Variants in FANCD2 observed in about 807,000 individuals in gnomAD.
FANCD2 encodes FA complementation group D2.
FANCD2 carries 131 observed loss-of-function variants against 192.3 expected under a neutral mutation model. That is an observed-to-expected ratio of 0.68 (90% confidence interval 0.59 to 0.79). The LOEUF is 0.79. Among genes scored for constraint, FANCD2 ranks in the 30% least tolerant of loss-of-function variants. The pLI, the probability that FANCD2 is intolerant of heterozygous loss-of-function variation, is 0.00. For synonymous variants in FANCD2, 524 were observed against 612.5 expected, an observed-to-expected ratio of 0.86 and a Z score of 2.13; for missense variants, 1,508 against 1,701.6, an observed-to-expected ratio of 0.89 and a Z score of 2.00.
intron 29 of FANCD2, 103 bp from the exon 30 acceptor site, chr3:10,077,978 A>G: frequency 1.2e-6 from 1 of 828,656 alleles, no homozygotes; most frequent in Non-Finnish European, 2.1e-6. Context: ...AGGCTGGAAT[A>G]GCTATGATCT....
Position 10,062,203 on chromosome 3 carries a change from T to C in FANCD2, c.1819T>C (p.Cys607Arg). ...QERANLSDEQ[C>R]TQVTSLLQLV... The stretch of plus-strand genomic sequence containing the variant: ...GAGAGCCAACCTGAGCGATGAGCAG[T>C]GCACACAGGTGAGTTCTTTTTTTCC... The change falls in exon 20 of 44, where the codon TGC becomes CGC. Residue 607 changes from cysteine to arginine, a missense_variant. Physicochemically the swap from Cys to Arg is radical, Grantham distance 180. Around this residue, in one of 5 missense-constraint regions of FANCD2, gnomAD observed 110 missense variants for 114.4 expected, o/e 0.96. Transcript: ENST00000675286. 1.2e-6 allele frequency: 2 copies of C among 1,612,736 alleles called. No individual in the cohort carries two copies. Among genetic ancestry groups the C allele is most frequent in the Non-Finnish European group, 1.7e-6 (2 of 1,179,290 alleles).
chr3:10,032,945 A>G lies in FANCD2; in HGVS notation c.178A>G (p.Lys60Glu), dbSNP rs1292847629. Residue 60 changes from lysine to glutamate, a missense_variant, in exon 3 of 44, where the codon AAA becomes GAA. Lys to Glu is a moderately conservative substitution (Grantham distance 56). Transcript: ENST00000675286. Reference sequence around the variant, plus strand: ...TCTTAAGATATCAGGAATTATTCTTAAAACGGGAGAGAGTCAGAATCAACT... The same window carrying G: ...TCTTAAGATATCAGGAATTATTCTTGAAACGGGAGAGAGTCAGAATCAACT... ...KLLKISGIIL[K>E]TGESQNQLAV... 6.3e-7 allele frequency: 1 copy of G among 1,589,656 alleles called. No individual in the cohort carries two copies. Among genetic ancestry groups the G allele is most frequent in the South Asian group, 1.1e-5 (1 of 90,388 alleles).
intron 18 of FANCD2, among the ~76,000 whole-genome samples, chr3:10,059,317 C>G (rs1440173693): frequency 6.6e-6 from 1 of 152,124 alleles, no homozygotes; most frequent in East Asian, 1.9e-4. Flanking sequence ...CCCAGCCTTG[C>G]CTCCATGTTT....
intron 42 of FANCD2, among the ~76,000 whole-genome samples, chr3:10,097,751 C>T (rs1182577188): frequency 2.6e-5 from 4 of 152,178 alleles, no homozygotes; most frequent in Non-Finnish European, 5.9e-5. Flanking sequence ...CATAGGAAAT[C>T]ACAAGGGTAT....
intron 25 of FANCD2, 98 bp from the exon 26 acceptor site, chr3:10,067,111 T>C (rs1333982587): frequency 2.2e-5 from 18 of 821,100 alleles, no homozygotes; most frequent in Non-Finnish European, 3.7e-5. Context: ...CTCAAAGATC[T>C]TGCTTTTCAT....
chr3:10,055,243 A>G (rs1275006779), intron 18 of FANCD2, among the ~76,000 whole-genome samples: 1 of 152,148 alleles, frequency 6.6e-6, no homozygotes, highest in African/African-American at 2.4e-5. Context: ...TCACAATGTT[A>G]TACAACCATT....
intron 16 of FANCD2, 85 bp downstream of exon 16, chr3:10,048,136 C>A: frequency 6.3e-7 from 1 of 1,582,106 alleles, no homozygotes; most frequent in Non-Finnish European, 8.6e-7. Context: ...TTGGAACTCA[C>A]TGAAGGGGAA....
At position 10,081,112 on chromosome 3, in the gene FANCD2, C is replaced by T. The variant is rs587778330; in HGVS notation, c.2989C>T (p.Arg997Trp). The T allele has an allele frequency of 1.4e-5, 22 of 1,613,914 alleles. No homozygotes were observed. The highest frequency in any genetic ancestry group is 8.9e-5 in the East Asian group (4 of 44,886). Residue 997 changes from arginine to tryptophan, a missense_variant, in exon 31 of 44, where the codon CGG becomes TGG. This residue lies in a region of FANCD2 where 796 missense variants were observed against 879.4 expected (regional missense o/e 0.91). Transcript: ENST00000675286. ...RVPFLKNKGS[R>W]NIGFSHLQQR... Reference sequence around the variant, plus strand: ...GCATTTATTATAGAACAAAGGAAGCCGGAATATTGGATTCTCACATCTCCA... The same window carrying T: ...GCATTTATTATAGAACAAAGGAAGCTGGAATATTGGATTCTCACATCTCCA...
At chr3:10,065,354 C>A in intron 23 of FANCD2, 40 bp from the exon 24 acceptor site, 1 of 1,291,740 alleles carries the variant, frequency 7.7e-7, no homozygotes, top group Non-Finnish European at 1.1e-6. Flanking sequence ...GAGTAATACA[C>A]CTATGAAGTG....
At chr3:10,094,042 A>G (rs1299769890) in intron 39 of FANCD2, among the ~76,000 whole-genome samples, 2 of 152,226 alleles carry the variant, frequency 1.3e-5, no homozygotes, top group Admixed American at 6.5e-5. Context: ...AAGCTGAGCA[A>G]GTTCCCTGTC....
At chr3:10,070,271 A>G (rs1348782349) in intron 26 of FANCD2, among the ~76,000 whole-genome samples, 1 of 135,600 alleles carries the variant, frequency 7.4e-6, no homozygotes, top group Non-Finnish European at 1.6e-5. Flanking sequence ...CCCGGCAGCC[A>G]CCCTGTCTGG....
chr3:10,084,346 T>TAACAC (rs1694047504), intron 32 of FANCD2, among the ~76,000 whole-genome samples: 2 of 150,080 alleles, frequency 1.3e-5, no homozygotes, highest in Non-Finnish European at 3.0e-5. Flanking sequence ...GGCTGGAGTG[T>TAACAC]AGTAACACAA....
At chr3:10,031,481 G>A (rs1366023886) in intron 2 of FANCD2, among the ~76,000 whole-genome samples, 15 of 141,282 alleles carry the variant, frequency 1.1e-4, no homozygotes, top group Admixed American at 3.0e-4. Flanking sequence ...CAGCCTGGGC[G>A]ACAGAGCAAG....
intron 4 of FANCD2, 55 bp from the exon 5 acceptor site, chr3:10,034,640 C>G: frequency 6.6e-7 from 1 of 1,511,878 alleles, no homozygotes; most frequent in South Asian, 1.1e-5. Flanking sequence ...TGATTTTTAA[C>G]AGCAAATATT....
chr3:10,027,833 A>T, intron 1 of FANCD2, among the ~76,000 whole-genome samples: 1 of 141,640 alleles, frequency 7.1e-6, no homozygotes, highest in African/African-American at 2.7e-5. Flanking sequence ...TGAACCCGGG[A>T]GGTGGAGCTT....
Position 10,047,901 on chromosome 3 carries a change from C to T in FANCD2, c.1279-16C>T. The T allele has an allele frequency of 6.2e-7, 1 of 1,612,110 alleles. No homozygotes were observed. Among genetic ancestry groups the T allele is most frequent in the South Asian group, 1.1e-5 (1 of 91,002 alleles). On this transcript the variant is annotated splice_polypyrimidine_tract_variant and intron_variant, in intron 15 of 43. Transcript: ENST00000675286. ...TCCTACAGCTTCTTTTCTCTCTCTA[C>T]TCTTCCCCACTCAAGGTTCTTAAGG...
chr3:10,041,405 T>C lies in FANCD2; in HGVS notation c.696-218T>C, dbSNP rs569338907. The C allele has an allele frequency of 1.7e-5, 8 of 467,126 alleles. No individual in the cohort carries two copies. The East Asian group carries it at 2.8e-4, about 16-fold the overall frequency. 28.9% of individuals were successfully genotyped at this position (467,126 alleles called of 1,614,324 possible). A position where few individuals can be genotyped will look rare whatever the true frequency, so the allele number is the denominator to read the frequency against. On this transcript the variant is annotated intron_variant, in intron 9 of 43. Coordinates refer to ENST00000675286, the MANE Select transcript of FANCD2 (RefSeq NM_001018115.3). ...GGTAGTGGGGATTGTGATGGAAGGC[T>C]TCTTGTTTCTACTTTTATTATTTGA...
At chr3:10,069,531 G>C (rs2087819132) in intron 26 of FANCD2, among the ~76,000 whole-genome samples, 1 of 138,384 alleles carries the variant, frequency 7.2e-6, no homozygotes, top group Non-Finnish European at 1.5e-5. Context: ...GGACTGTACT[G>C]CTGCCATCTC....
chr3:10,083,939 TTTTGAGCAATTTAGCCTGTGG>T (rs1205059342), intron 32 of FANCD2, among the ~76,000 whole-genome samples: 1 of 149,864 alleles, frequency 6.7e-6, no homozygotes, highest in Non-Finnish European at 1.5e-5. Context: ...TACAGGAATA[TTTTGAGCAATTTAGCCTGTGG>T]TTTTACATAG....
Sources: gnomAD v4.1 joint callset for allele counts (sites outside exome capture counted in the v4.1 genomes callset) on GRCh38, gnomAD v4.1.1 for gene constraint, gnomAD v4.1.1 regional missense constraint, MANE v1.5 for transcripts, NCBI Gene and HGNC (gene_info 2026-07-23, HGNC 2026-07-21) for gene names.